Variants in PGPEP1 observed in about 807,000 individuals in gnomAD.
The protein encoded by PGPEP1 is pyroglutamyl-peptidase I, also known as pyroglutamyl-peptidase 1.
Under a neutral mutation model 24.1 loss-of-function variants are expected in PGPEP1, and 15 were observed. The ratio of observed to expected loss-of-function variants is 0.62; its 90% CI spans 0.42 to 0.96. The LOEUF (loss-of-function observed/expected upper bound fraction) is 0.96, where lower values mean the gene tolerates loss of function less well. Ranked by LOEUF, PGPEP1 falls within the 40% of genes least tolerant of loss-of-function variation. The probability of loss-of-function intolerance (pLI) is 0.00; values close to 1 mark genes in which losing one functional copy is unlikely to be tolerated. For missense variants in PGPEP1, 242 were observed against 273.4 expected (o/e 0.89, Z 0.81); for synonymous variants, 122 against 116.4 (o/e 1.05, Z -0.31).
intron 4 of PGPEP1, 135 bp from the exon 5 acceptor site, chr19:18,363,256 A>G: frequency 1.6e-6 from 1 of 615,160 alleles, no homozygotes. Context: ...GGGAGGGAGG[A>G]GAGTGTTGTT....
intron 2 of PGPEP1, among the ~76,000 whole-genome samples, chr19:18,348,760 C>A (rs965498121): frequency 6.6e-6 from 1 of 151,430 alleles, no homozygotes; most frequent in Non-Finnish European, 1.5e-5. Flanking sequence ...TGGTGAGAAA[C>A]TTTTTTTTTG....
At chr19:18,361,678 CTT>C in intron 4 of PGPEP1, 1 of 967,058 alleles carries the variant, frequency 1.0e-6, no homozygotes, top group Non-Finnish European at 1.2e-6. Context: ...CATTCCCTCT[CTT>C]TTTCCATAGC....
chr19:18,353,239 A>G (rs1170939065), intron 2 of PGPEP1, among the ~76,000 whole-genome samples: 2 of 144,386 alleles, frequency 1.4e-5, no homozygotes, highest in East Asian at 2.0e-4. Context: ...TTTTTTTGAG[A>G]CAAGGCCTTG....
rs1568320782 is a variant in PGPEP1, at chr19:18,364,083, G to GTTCTTTCTTT, written c.*500_*501insTTCTTTCTTT. 1.6e-4 allele frequency: 14 copies of GTTCTTTCTTT among 86,644 alleles called. No homozygotes were observed. Among genetic ancestry groups the GTTCTTTCTTT allele is most frequent in the African/African-American group, 5.2e-4 (14 of 26,692 alleles). The allele number at this position is 86,644 out of a possible 1,614,324, so 5.4% of individuals were successfully genotyped here. ...ACCCTGGGATATGGCTGGCTGGCTG[G>GTTCTTTCTTT]CTTTCTTTCTTTCTTTCTTTCTTTC... On this transcript the variant is annotated 3_prime_UTR_variant, in exon 5 of 5. Coordinates refer to ENST00000269919, the MANE Select transcript of PGPEP1 (RefSeq NM_017712.4).
At chr19:18,354,091 T>G (rs1971113291) in intron 2 of PGPEP1, among the ~76,000 whole-genome samples, 1 of 151,946 alleles carries the variant, frequency 6.6e-6, no homozygotes, top group Non-Finnish European at 1.5e-5. Flanking sequence ...AAAAATTAGC[T>G]GGGCGTGATC....
At chr19:18,360,685 C>T (rs1369341526) in intron 4 of PGPEP1, among the ~76,000 whole-genome samples, 1 of 151,950 alleles carries the variant, frequency 6.6e-6, no homozygotes, top group Non-Finnish European at 1.5e-5. Context: ...TCACCACACC[C>T]AGCTAATTTT....
rs753179015 is a variant in PGPEP1 at position 18,363,412 on chromosome 19, C to T, written c.459C>T (p.Tyr153=). 1.2e-6 allele frequency: 2 copies of T among 1,612,194 alleles called. No individual in the cohort carries two copies. The highest frequency in any genetic ancestry group is 1.1e-5 in the South Asian group (1 of 91,056). ...DAGRYLCDFT[Y]YTSLYQSHGR... is the part of the protein sequence containing the mutation. ...TTAGATATCTCTGCGACTTTACCTA[C>T]TACACCTCTTTGTACCAGAGTCACG... is the stretch of plus-strand genomic sequence containing the variant. Residue 153 remains tyrosine, a synonymous_variant, in exon 5 of 5, where the codon TAC becomes TAT. Transcript: ENST00000269919.
intron 2 of PGPEP1, among the ~76,000 whole-genome samples, chr19:18,350,826 G>A (rs1052455492): frequency 2.0e-4 from 30 of 151,970 alleles, no homozygotes; most frequent in African/African-American, 6.5e-4. Flanking sequence ...TTGGGAGGCC[G>A]AGGTAGGAAG....
chr19:18,361,095 G>A (rs988628088), intron 4 of PGPEP1, among the ~76,000 whole-genome samples: 1 of 151,786 alleles, frequency 6.6e-6, no homozygotes, highest in Non-Finnish European at 1.5e-5. Flanking sequence ...GCCTCCCAAG[G>A]TGCTAGAATT....
chr19:18,360,464 C>T (rs1218581464), intron 4 of PGPEP1, among the ~76,000 whole-genome samples: 3 of 151,822 alleles, frequency 2.0e-5, no homozygotes, highest in African/African-American at 7.3e-5. Flanking sequence ...TTAGGTGATC[C>T]TCCCACCTCA....
chr19:18,340,676 C>G lies in PGPEP1; in HGVS notation c.-6C>G. On this transcript the variant is annotated 5_prime_UTR_variant, in exon 1 of 5. It adds an upstream start codon to the 5' untranslated region. Transcript: ENST00000269919. ...AAGCAGGTCCGAGGCACAGCCCGAT[C>G]CCGCCATGGAGCAGCCGAGGAAGGC... is the stretch of plus-strand genomic sequence containing the variant. 6.5e-7 allele frequency: 1 copy of G among 1,542,734 alleles called. No individual in the cohort carries two copies. Among genetic ancestry groups the G allele is most frequent in the South Asian group, 1.2e-5 (1 of 84,126 alleles).
intron 4 of PGPEP1, among the ~76,000 whole-genome samples, chr19:18,360,368 A>G (rs564545362): frequency 2.6e-5 from 4 of 151,942 alleles, no homozygotes; most frequent in South Asian, 4.1e-4. Context: ...TTAGTTGTTT[A>G]TTTATTTTGA....
intron 4 of PGPEP1, among the ~76,000 whole-genome samples, chr19:18,360,928 G>A (rs997703634): frequency 2.1e-5 from 3 of 146,016 alleles, no homozygotes; most frequent in African/African-American, 5.1e-5. Context: ...CATCTCCCGG[G>A]TCAAGTGATT....
rs190525534 is a variant in PGPEP1, at chr19:18,356,188, G to A, written c.204+177G>A. Among the ~76,000 whole-genome samples, 628 of 150,314 alleles carry A rather than the reference G, an allele frequency of 4.2e-3. 5 individuals are homozygous for A. Among genetic ancestry groups the A allele is most frequent in the African/African-American group, 0.014 (583 of 40,912 alleles). ...TGGCTCATGCCTGTAATCCCAGCAC[G>A]TTGGGAGGCCGAGGCAGGTGGATAA... On this transcript the variant is annotated intron_variant, in intron 3 of 4. Transcript: ENST00000269919.
chr19:18,359,065 A>G (rs1971271069), intron 4 of PGPEP1, among the ~76,000 whole-genome samples: 1 of 152,028 alleles, frequency 6.6e-6, no homozygotes, highest in Admixed American at 6.6e-5. Flanking sequence ...AGGCAGGAGG[A>G]TCGCTTGAGC....
At position 18,358,838 on chromosome 19, in the gene PGPEP1, A is replaced by G. The variant is rs568469798; in HGVS notation, c.437+1223A>G. Among the ~76,000 whole-genome samples the G allele has an allele frequency of 1.3e-3, 204 of 151,350 alleles. 2 individuals carry two copies. The highest frequency in any genetic ancestry group is 4.7e-3 in the African/African-American group (195 of 41,192). ...ACCATGTTGGTCAGGCTGGTCTCGA[A>G]CTCCCGATCTCAGGTGATCCACCCT... is the stretch of plus-strand genomic sequence containing the variant. On this transcript the variant is annotated intron_variant, in intron 4 of 4. Transcript: ENST00000269919.
Position 18,365,453 on chromosome 19 carries a change from C to T in PGPEP1, c.*1870C>T, listed in dbSNP as rs1248564240. The T allele has an allele frequency of 1.3e-5, 2 of 152,306 alleles. No individual in the cohort carries two copies. Among genetic ancestry groups the T allele is most frequent in the African/African-American group, 4.8e-5 (2 of 41,406 alleles). 9.4% of individuals were successfully genotyped at this position (152,306 alleles called of 1,614,324 possible). On this transcript the variant is annotated 3_prime_UTR_variant, in exon 5 of 5. Coordinates refer to ENST00000269919, the MANE Select transcript of PGPEP1 (RefSeq NM_017712.4). Reference sequence around the variant, plus strand: ...TACCTCCTGGGCTCAAGTGATCCTCCCATCTCAGCCTCCTGAGTAGCTGGG... The same window carrying T: ...TACCTCCTGGGCTCAAGTGATCCTCTCATCTCAGCCTCCTGAGTAGCTGGG...
At chr19:18,355,169 C>T (rs1216414476) in intron 2 of PGPEP1, among the ~76,000 whole-genome samples, 1 of 151,560 alleles carries the variant, frequency 6.6e-6, no homozygotes, top group Non-Finnish European at 1.5e-5. Flanking sequence ...TGGGGTTTCA[C>T]TGTGTTAGCC....
chr19:18,342,472 C>T (rs1360812824), intron 1 of PGPEP1, among the ~76,000 whole-genome samples: 1 of 152,178 alleles, frequency 6.6e-6, no homozygotes, highest in Non-Finnish European at 1.5e-5. Flanking sequence ...GCCTGGAGGG[C>T]TCATTCCTCA....
Sources: allele counts gnomAD v4.1 joint callset (sites outside exome capture counted in the v4.1 genomes callset), GRCh38; gene constraint gnomAD v4.1.1; transcripts MANE v1.5; gene names NCBI Gene and HGNC (gene_info 2026-07-23, HGNC 2026-07-21).